Variants in NEGR1 observed in about 807,000 individuals in gnomAD.
NEGR1 encodes the protein neuronal growth regulator 1.
Under a neutral mutation model 40.9 loss-of-function variants are expected in NEGR1, and 10 were observed. The observed-to-expected ratio is 0.24, with a 90% CI of 0.15 to 0.42. The LOEUF (loss-of-function observed/expected upper bound fraction) is 0.42, where lower values mean the gene tolerates loss of function less well. NEGR1 is among the 10% of genes least tolerant of loss of function. The pLI, the probability that NEGR1 is intolerant of heterozygous loss-of-function variation, is 1.00. For synonymous variants in NEGR1, 185 were observed against 166.8 expected (o/e 1.11, Z -0.84); for missense variants, 352 against 438.9 (o/e 0.80, Z 1.77).
chr1:71,907,704 C>T (rs1291074402), intron 2 of NEGR1, among the ~76,000 whole-genome samples: 5 of 152,142 alleles, frequency 3.3e-5, no homozygotes, highest in South Asian at 4.1e-4. Context: ...TGAAGTTGTA[C>T]GTTCATTGCA....
intron 1 of NEGR1, among the ~76,000 whole-genome samples, chr1:71,991,685 T>C (rs1454980125): frequency 2.0e-5 from 3 of 152,208 alleles, no homozygotes; most frequent in African/African-American, 4.8e-5. Context: ...TGCAAATTAA[T>C]TGAGATCAAC....
chr1:72,184,053 C>T (rs1652514333), intron 1 of NEGR1, among the ~76,000 whole-genome samples: 1 of 151,998 alleles, frequency 6.6e-6, no homozygotes, highest in Admixed American at 6.6e-5. Context: ...AAGATGTTTC[C>T]AAGGGCACAT....
chr1:71,789,808 C>T (rs1277571534), intron 2 of NEGR1, among the ~76,000 whole-genome samples: 1 of 152,022 alleles, frequency 6.6e-6, no homozygotes, highest in Non-Finnish European at 1.5e-5. Context: ...TTGATAAATC[C>T]ACCAAAAATA....
At chr1:72,236,581 T>C (rs2100506951) in intron 1 of NEGR1, among the ~76,000 whole-genome samples, 1 of 152,142 alleles carries the variant, frequency 6.6e-6, no homozygotes, top group East Asian at 1.9e-4. Context: ...GTGTAAATTA[T>C]TATTTTTATC....
chr1:72,029,546 G>A (rs928626440), intron 1 of NEGR1, among the ~76,000 whole-genome samples: 12 of 152,108 alleles, frequency 7.9e-5, no homozygotes, highest in Non-Finnish European at 1.6e-4. Context: ...TCATTTTGAC[G>A]TGTTTATTGA....
intron 1 of NEGR1, among the ~76,000 whole-genome samples, chr1:72,066,975 A>AT (rs753759598): frequency 7.2e-5 from 11 of 151,760 alleles, no homozygotes; most frequent in South Asian, 2.1e-4. Flanking sequence ...GTGCCCATTC[A>AT]TTTTTTTTGC....
At chr1:71,955,679 T>C (rs1461458645) in intron 1 of NEGR1, among the ~76,000 whole-genome samples, 3 of 152,144 alleles carry the variant, frequency 2.0e-5, no homozygotes, top group Non-Finnish European at 4.4e-5. Flanking sequence ...CATTTCCTTT[T>C]CCCAAAAGAG....
chr1:71,807,166 G>A (rs1305103466), intron 2 of NEGR1, among the ~76,000 whole-genome samples: 8 of 151,856 alleles, frequency 5.3e-5, no homozygotes, highest in Non-Finnish European at 8.8e-5. Flanking sequence ...AAAGTGCTGG[G>A]ATTACAGGTG....
chr1:72,128,289 A>G (rs1650108331), intron 1 of NEGR1, among the ~76,000 whole-genome samples: 1 of 152,216 alleles, frequency 6.6e-6, no homozygotes, highest in South Asian at 2.1e-4. Context: ...ATGGTGTTAA[A>G]TCCCTTTAAA....
At chr1:71,871,506 A>G (rs1660277444) in intron 2 of NEGR1, among the ~76,000 whole-genome samples, 1 of 152,182 alleles carries the variant, frequency 6.6e-6, no homozygotes, top group African/African-American at 2.4e-5. Context: ...TGTGGTGGTC[A>G]CTTAATGTTC....
chr1:72,166,129 C>A (rs1232507115), intron 1 of NEGR1, among the ~76,000 whole-genome samples: 1 of 151,906 alleles, frequency 6.6e-6, no homozygotes, highest in Non-Finnish European at 1.5e-5. Context: ...AAAATATATA[C>A]CTTTTTTCCC....
chr1:72,082,942 T>C lies in NEGR1; in HGVS notation c.177-147631A>G, dbSNP rs536215511. 5.3e-5 allele frequency among the ~76,000 whole-genome samples: 8 copies of C among 152,286 alleles called. No homozygotes were observed. In the East Asian group the frequency reaches 1.5e-3, roughly 29 times the overall value. On this transcript the variant is annotated intron_variant, in intron 1 of 6. Transcript: ENST00000357731. ...GCCTCAATATTGGAATACGGGATTA[T>C]GGAGTGTATGTCTTACCATTGTTAT...
intron 6 of NEGR1, 112 bp downstream of exon 6, chr1:71,592,705 C>A: frequency 1.3e-6 from 1 of 758,392 alleles, no homozygotes; most frequent in East Asian, 2.5e-5. Context: ...AGGAATGTGT[C>A]ACATCAGGTT....
chr1:71,875,423 G>A (rs1660397656), intron 2 of NEGR1, among the ~76,000 whole-genome samples: 1 of 152,116 alleles, frequency 6.6e-6, no homozygotes, highest in Non-Finnish European at 1.5e-5. Context: ...CAGATATCTG[G>A]TCATTCTGAG....
intron 3 of NEGR1, among the ~76,000 whole-genome samples, chr1:71,766,711 T>G (rs1214204277): frequency 1.3e-5 from 2 of 152,204 alleles, no homozygotes; most frequent in Non-Finnish European, 2.9e-5. Flanking sequence ...CCCACTCAAG[T>G]CTCATGTGGA....
chr1:71,498,211 AT>A (rs1646977703), intron 6 of NEGR1, among the ~76,000 whole-genome samples: 1 of 151,352 alleles, frequency 6.6e-6, no homozygotes, highest in South Asian at 2.1e-4. Context: ...ATTCAGATTA[AT>A]TTTATAGCAT....
intron 1 of NEGR1, among the ~76,000 whole-genome samples, chr1:72,235,356 C>T (rs1322478983): frequency 6.6e-6 from 1 of 151,984 alleles, no homozygotes; most frequent in African/African-American, 2.4e-5. Context: ...AACTTTGAAA[C>T]TTCACAGTAA....
intron 6 of NEGR1, among the ~76,000 whole-genome samples, chr1:71,437,927 T>C (rs1176785950): frequency 6.6e-6 from 1 of 152,200 alleles, no homozygotes; most frequent in African/African-American, 2.4e-5. Context: ...GAAGCAACAC[T>C]GCCTTTTAGT....
intron 4 of NEGR1, among the ~76,000 whole-genome samples, chr1:71,691,852 G>T (rs750837737): frequency 2.7e-5 from 4 of 150,432 alleles, no homozygotes; most frequent in African/African-American, 7.3e-5. Flanking sequence ...TGTTTCTTCT[G>T]ACTGGAAGAT....
Sources: allele counts gnomAD v4.1 joint callset (sites outside exome capture counted in the v4.1 genomes callset), GRCh38; gene constraint gnomAD v4.1.1; transcripts MANE v1.5; gene names NCBI Gene and HGNC (gene_info 2026-07-23, HGNC 2026-07-21).